APOO: variants seen among roughly 807,000 people sequenced by gnomAD.
APOO encodes MICOS complex subunit MIC26.
APOO carries 11 observed loss-of-function variants against 23.1 expected under a neutral mutation model. That is an observed-to-expected ratio of 0.48 (90% confidence interval 0.30 to 0.79). The LOEUF (loss-of-function observed/expected upper bound fraction) is 0.79. APOO is among the 30% of genes least tolerant of loss of function. The probability of loss-of-function intolerance (pLI) is 0.07; values close to 1 mark genes in which losing one functional copy is unlikely to be tolerated. For synonymous variants in APOO, 59 were observed against 54.8 expected (o/e 1.08, Z -0.34); for missense variants, 160 against 142.7 (o/e 1.12, Z -0.62).
chrX:23,899,107 CCAAA>C (rs1300590715), intron 1 of APOO, among the ~76,000 whole-genome samples: 10 of 111,967 alleles, frequency 8.9e-5, no homozygotes, highest in Non-Finnish European at 1.5e-4. Context: ...CCTCATGGAA[CCAAA>C]CAAAGAAGTC....
intron 5 of APOO, among the ~76,000 whole-genome samples, chrX:23,864,469 A>C (rs1450773840): frequency 2.7e-5 from 3 of 110,281 alleles, no homozygotes; most frequent in East Asian, 2.9e-4. Context: ...CGCCTGGCTA[A>C]TGTTTGTATT....
chrX:23,889,656 G>GTTTTT (rs138373055), intron 1 of APOO, among the ~76,000 whole-genome samples: 2 of 61,874 alleles, frequency 3.2e-5, no homozygotes, highest in Non-Finnish European at 5.8e-5. Flanking sequence ...CTGGGGAGTT[G>GTTTTT]TTTTTTTTTT....
intron 8 of APOO, among the ~76,000 whole-genome samples, chrX:23,839,705 T>C (rs1211873448): frequency 8.9e-6 from 1 of 111,755 alleles, no homozygotes; most frequent in Non-Finnish European, 1.9e-5. Context: ...TCTATAAACA[T>C]ATCACACTAC....
intron 7 of APOO, among the ~76,000 whole-genome samples, chrX:23,847,543 G>A (rs150716754): frequency 0.021 from 2,338 of 110,184 alleles, 53 homozygotes; most frequent in African/African-American, 0.068. Flanking sequence ...GGAGAATGGT[G>A]TGAACCCGGG....
intron 2 of APOO, 126 bp from the exon 3 acceptor site, chrX:23,879,160 G>T: frequency 1.2e-6 from 1 of 862,025 alleles, no homozygotes; most frequent in Non-Finnish European, 1.5e-6. Context: ...CTGTGGTCGG[G>T]TGTGGTGGTT....
chrX:23,879,160 G>A (rs1453717380), intron 2 of APOO, 126 bp from the exon 3 acceptor site: 1 of 862,027 alleles, frequency 1.2e-6, no homozygotes, highest in East Asian at 3.7e-5. Context: ...CTGTGGTCGG[G>A]TGTGGTGGTT....
At chrX:23,878,450 C>T (rs972103262) in intron 3 of APOO, among the ~76,000 whole-genome samples, 1 of 111,743 alleles carries the variant, frequency 8.9e-6, no homozygotes. Context: ...GTAAGTCAGG[C>T]ACTTTTAACT....
chrX:23,900,651 G>C (rs1045096379), intron 1 of APOO, among the ~76,000 whole-genome samples: 4 of 102,892 alleles, frequency 3.9e-5, no homozygotes, highest in Admixed American at 2.1e-4. Flanking sequence ...CTCCAGCCTG[G>C]GTGACAGGGC....
At chrX:23,847,822 C>T (rs770664551) in intron 7 of APOO, among the ~76,000 whole-genome samples, 56 of 94,950 alleles carry the variant, frequency 5.9e-4, no homozygotes, top group East Asian at 2.7e-3. Flanking sequence ...TATATATATA[C>T]ACACACACAC....
intron 7 of APOO, among the ~76,000 whole-genome samples, chrX:23,847,803 T>TTA (rs565273617): frequency 0.088 from 8,836 of 100,581 alleles, 394 homozygotes; most frequent in Non-Finnish European, 0.1. Flanking sequence ...CAGCCTATAA[T>TTA]TATATATATA....
rs144803157 is a variant in APOO, at chrX:23,869,314, T to A, written c.293-626A>T. The stretch of plus-strand genomic sequence containing the variant: ...GAAAGCAACAGATCTGAATCAGCAA[T>A]TTGCACAGGGAGGAATACAAATACA... On this transcript the variant is annotated intron_variant, in intron 4 of 8. Transcript: ENST00000379226. Among the ~76,000 whole-genome samples the A allele has an allele frequency of 6.5e-4, 72 of 111,257 alleles. No individual in the cohort carries two copies. The East Asian group carries it at 0.019, about 30-fold the overall frequency.
chrX:23,882,327 A>C (rs1164157683), intron 1 of APOO, among the ~76,000 whole-genome samples: 1 of 112,454 alleles, frequency 8.9e-6, no homozygotes, highest in African/African-American at 3.2e-5. Context: ...TATTTTTGTT[A>C]TATTTTAGCT....
At chrX:23,838,710 A>C (rs775679108) in intron 8 of APOO, among the ~76,000 whole-genome samples, 229 of 110,554 alleles carry the variant, frequency 2.1e-3, no homozygotes, top group Non-Finnish European at 3.9e-3. Context: ...GAGCCACCAC[A>C]CCCGGCCAAG....
chrX:23,845,306 A>G (rs1370771701), intron 7 of APOO, among the ~76,000 whole-genome samples: 2 of 112,519 alleles, frequency 1.8e-5, no homozygotes, highest in African/African-American at 3.2e-5. Flanking sequence ...GCACAAACTC[A>G]TAACTTTATG....
chrX:23,885,353 C>T (rs1281721541), intron 1 of APOO, among the ~76,000 whole-genome samples: 3 of 108,344 alleles, frequency 2.8e-5, no homozygotes, highest in African/African-American at 1.0e-4. Flanking sequence ...GAGCCGAGAT[C>T]GTGCCACTGC....
intron 7 of APOO, among the ~76,000 whole-genome samples, chrX:23,851,256 C>T (rs111347112): frequency 1.8e-5 from 2 of 109,559 alleles, no homozygotes; most frequent in African/African-American, 6.6e-5. Flanking sequence ...TGCAGTGGCG[C>T]GATCTTGGCT....
chrX:23,882,896 C>T (rs939864655), intron 1 of APOO, among the ~76,000 whole-genome samples: 4 of 110,660 alleles, frequency 3.6e-5, no homozygotes, highest in African/African-American at 1.3e-4. Flanking sequence ...ATCCACCCAC[C>T]GCGGCCTCCC....
intron 5 of APOO, among the ~76,000 whole-genome samples, chrX:23,863,845 G>A (rs1200972502): frequency 9.0e-6 from 1 of 110,544 alleles, no homozygotes; most frequent in Admixed American, 9.8e-5. Context: ...GAGACAGCAG[G>A]ACACAGAGCC....
At chrX:23,853,092 T>C (rs915746947) in intron 7 of APOO, among the ~76,000 whole-genome samples, 1 of 110,515 alleles carries the variant, frequency 9.0e-6, no homozygotes, top group Non-Finnish European at 1.9e-5. Context: ...AACCCGTCTC[T>C]ACTAAAAATA....
Sources: allele counts gnomAD v4.1 joint callset (sites outside exome capture counted in the v4.1 genomes callset), GRCh38; gene constraint gnomAD v4.1.1; transcripts MANE v1.5; gene names NCBI Gene and HGNC (gene_info 2026-07-23, HGNC 2026-07-21).